The following CDK17 variants were observed in gnomAD, a reference collection of about 807,000 sequenced individuals.
The protein encoded by CDK17 is cyclin dependent kinase 17, also known as cyclin-dependent kinase 17.
A neutral mutation model predicts 77.6 loss-of-function variants in CDK17; 24 were observed. The observed-to-expected ratio is 0.31, with a 90% CI of 0.22 to 0.44. The LOEUF (loss-of-function observed/expected upper bound fraction) is 0.44, where lower values mean the gene tolerates loss of function less well. Among genes scored for constraint, CDK17 ranks in the 20% least tolerant of loss-of-function variants. The probability of loss-of-function intolerance (pLI) is 1.00; values close to 1 mark genes in which losing one functional copy is unlikely to be tolerated. For synonymous variants in CDK17, 203 were observed against 210.4 expected (o/e 0.96, Z 0.30); for missense variants, 429 against 622.5 (o/e 0.69, Z 3.31).
chr12:96,379,809 A>G lies in CDK17; in HGVS notation c.-30+20177T>C, dbSNP rs1277854391. On this transcript the variant is annotated intron_variant, in intron 1 of 16. Transcript: ENST00000261211. Reference sequence around the variant, plus strand: ...TTCTAACATATCGAAACATTTCCTCATCGGAAGATAAAAATGGCAGAGTTT... The same window carrying G: ...TTCTAACATATCGAAACATTTCCTCGTCGGAAGATAAAAATGGCAGAGTTT... Among the ~76,000 whole-genome samples the G allele has an allele frequency of 2.0e-5, 3 of 152,266 alleles. No homozygotes were observed. In the East Asian group the frequency reaches 5.8e-4, roughly 29 times the overall value.
intron 1 of CDK17, among the ~76,000 whole-genome samples, chr12:96,379,455 C>G (rs1237370346): frequency 1.3e-5 from 2 of 151,530 alleles, no homozygotes; most frequent in Non-Finnish European, 2.9e-5. Flanking sequence ...GACAGGGTCT[C>G]AAGTCTGTCC....
chr12:96,377,908 T>C (rs1410139076), intron 1 of CDK17, among the ~76,000 whole-genome samples: 3 of 152,290 alleles, frequency 2.0e-5, no homozygotes, highest in Non-Finnish European at 2.9e-5. Context: ...TTAGCCAGGA[T>C]GGTCTTGATC....
chr12:96,298,852 C>T lies in CDK17; in HGVS notation c.715+17G>A, dbSNP rs747820629. On this transcript the variant is annotated intron_variant, in intron 7 of 16. Transcript: ENST00000261211. ...TCCACCACTTTGATTTTAAAATGTTCTGTATAATTATTATACCTTCTCTTA... is the reference window on the plus strand; with the variant it reads ...TCCACCACTTTGATTTTAAAATGTTTTGTATAATTATTATACCTTCTCTTA... 2.3e-6 allele frequency: 3 copies of T among 1,326,402 alleles called. No homozygotes were observed. The South Asian group carries it at 3.8e-5, about 17-fold the overall frequency. 82.2% of individuals were successfully genotyped at this position (1,326,402 alleles called of 1,614,324 possible).
At chr12:96,364,318 T>C (rs1296918657) in intron 1 of CDK17, among the ~76,000 whole-genome samples, 2 of 152,208 alleles carry the variant, frequency 1.3e-5, no homozygotes, top group African/African-American at 2.4e-5. Context: ...TATGTTTAAC[T>C]TTCTAAAGAA....
rs140231351 is a variant in CDK17, at chr12:96,300,487, C to T, written c.544-127G>A. ...TCTTGGCTTACTGCAACCTCCACCT[C>T]GCGGGTTCAAGTGATTCTCCTGCCT... On this transcript the variant is annotated intron_variant, in intron 5 of 16. Coordinates refer to ENST00000261211, the MANE Select transcript of CDK17 (RefSeq NM_002595.5). The T allele has an allele frequency of 9.1e-3, 5,222 of 573,416 alleles. 223 individuals are homozygous for T. The highest frequency in any genetic ancestry group is 0.09 in the African/African-American group (4,646 of 51,550). 35.5% of individuals were successfully genotyped at this position (573,416 alleles called of 1,614,324 possible).
At chr12:96,308,731 A>AAAAAATAATAAT (rs1952608765) in intron 5 of CDK17, among the ~76,000 whole-genome samples, 1 of 132,572 alleles carries the variant, frequency 7.5e-6, no homozygotes, top group Non-Finnish European at 1.6e-5. Flanking sequence ...CCGTCTCCAA[A>AAAAAATAATAAT]AATAATAATA....
chr12:96,335,407 T>A (rs1427054375), intron 1 of CDK17, among the ~76,000 whole-genome samples: 2 of 152,206 alleles, frequency 1.3e-5, no homozygotes, highest in African/African-American at 4.8e-5. Flanking sequence ...CTTTCAAGTG[T>A]CTCTTTCATC....
chr12:96,369,790 A>C (rs1953660771), intron 1 of CDK17, among the ~76,000 whole-genome samples: 1 of 152,060 alleles, frequency 6.6e-6, no homozygotes, highest in Admixed American at 6.6e-5. Flanking sequence ...TAAATAAATA[A>C]ATAAAATAGG....
intron 5 of CDK17, 94 bp from the exon 6 acceptor site, chr12:96,300,454 C>A: frequency 1.4e-6 from 1 of 719,410 alleles, no homozygotes; most frequent in South Asian, 1.7e-5. Flanking sequence ...TGGAGTGCAG[C>A]GGCACAATCT....
rs769755890 is a variant in CDK17, at chr12:96,282,576, T to C, written c.1389A>G (p.Ser463=). Residue 463 remains serine, a synonymous_variant, in exon 15 of 17, where the codon TCA becomes TCG. Coordinates refer to ENST00000261211, the MANE Select transcript of CDK17 (RefSeq NM_002595.5). The stretch of plus-strand genomic sequence containing the variant: ...ACACATGTTTCATGGCCTCTTCAGC[T>C]GAAACCCTTTTCTTAGATTCATACT... ...FLQYESKKRV[S]AEEAMKHVYF... The C allele has an allele frequency of 1.3e-4, 215 of 1,612,120 alleles. No individual in the cohort carries two copies. Among genetic ancestry groups the C allele is most frequent in the Non-Finnish European group, 1.7e-4 (203 of 1,178,280 alleles).
chr12:96,337,150 T>G (rs1953052396), intron 1 of CDK17, among the ~76,000 whole-genome samples: 1 of 152,168 alleles, frequency 6.6e-6, no homozygotes, highest in Non-Finnish European at 1.5e-5. Flanking sequence ...AGACTGAGTT[T>G]CAGACACTAC....
chr12:96,316,425 C>T (rs1194479391), intron 3 of CDK17, among the ~76,000 whole-genome samples: 14 of 145,582 alleles, frequency 9.6e-5, no homozygotes, highest in Middle Eastern at 3.5e-3. Flanking sequence ...ACAAAGCAGC[C>T]ACGAAGCTCG....
At chr12:96,390,552 T>A (rs1954050770) in intron 1 of CDK17, among the ~76,000 whole-genome samples, 1 of 147,742 alleles carries the variant, frequency 6.8e-6, no homozygotes, top group Non-Finnish European at 1.5e-5. Context: ...CCACTAAAAA[T>A]ACAAAGATTA....
At chr12:96,338,466 C>T (rs772564433) in intron 1 of CDK17, among the ~76,000 whole-genome samples, 6 of 152,166 alleles carry the variant, frequency 3.9e-5, no homozygotes, top group East Asian at 1.9e-4. Flanking sequence ...AAGAAATCTA[C>T]GTGCCCCAGC....
At chr12:96,299,275 T>C (rs1310176234) in intron 6 of CDK17, among the ~76,000 whole-genome samples, 1 of 152,156 alleles carries the variant, frequency 6.6e-6, no homozygotes, top group South Asian at 2.1e-4. Context: ...ATTAGATCAA[T>C]AGCTTTAAAA....
At chr12:96,333,016 A>C (rs1303248147) in intron 2 of CDK17, among the ~76,000 whole-genome samples, 1 of 152,144 alleles carries the variant, frequency 6.6e-6, no homozygotes, top group East Asian at 1.9e-4. Flanking sequence ...AATACTAAAA[A>C]TATGTCCCAG....
intron 3 of CDK17, among the ~76,000 whole-genome samples, chr12:96,316,565 C>A (rs1592723278): frequency 6.8e-6 from 1 of 147,918 alleles, no homozygotes; most frequent in Non-Finnish European, 1.5e-5. Flanking sequence ...TGTCTGACAG[C>A]TTTGAAGAGA....
intron 1 of CDK17, among the ~76,000 whole-genome samples, chr12:96,372,553 C>CT (rs1953711710): frequency 6.6e-6 from 1 of 152,088 alleles, no homozygotes; most frequent in African/African-American, 2.4e-5. Context: ...CAAGCATACT[C>CT]TATCATCTTT....
chr12:96,325,851 C>A (rs1952886053), intron 2 of CDK17, among the ~76,000 whole-genome samples: 1 of 152,114 alleles, frequency 6.6e-6, no homozygotes, highest in Admixed American at 6.5e-5. Flanking sequence ...ATAATACAGG[C>A]TACAGCATAC....
Sources: gnomAD v4.1 joint callset for allele counts (sites outside exome capture counted in the v4.1 genomes callset) on GRCh38, gnomAD v4.1.1 for gene constraint, MANE v1.5 for transcripts, NCBI Gene and HGNC (gene_info 2026-07-23, HGNC 2026-07-21) for gene names.